The following AGPS variants were observed in gnomAD, a reference collection of about 807,000 sequenced individuals.
AGPS encodes alkylglycerone phosphate synthase, also known as alkyldihydroxyacetonephosphate synthase, peroxisomal.
AGPS carries 26 observed loss-of-function variants against 90.7 expected under a neutral mutation model. The observed-to-expected ratio is 0.29, with a 90% CI of 0.21 to 0.40. The LOEUF (loss-of-function observed/expected upper bound fraction) is 0.40, where lower values mean the gene tolerates loss of function less well. Ranked by LOEUF, AGPS falls within the 10% of genes least tolerant of loss-of-function variation. The probability of loss-of-function intolerance (pLI) is 1.00; values close to 1 mark genes in which losing one functional copy is unlikely to be tolerated. For missense variants in AGPS, 540 were observed against 816.1 expected, an observed-to-expected ratio of 0.66 and a Z score of 4.12; for synonymous variants, 294 against 285.3, an observed-to-expected ratio of 1.03 and a Z score of -0.31.
At chr2:177,413,932 G>A (rs1470351312) in intron 1 of AGPS, among the ~76,000 whole-genome samples, 1 of 152,196 alleles carries the variant, frequency 6.6e-6, no homozygotes, top group Non-Finnish European at 1.5e-5. Flanking sequence ...AGATTATGGT[G>A]TAGTGTGTGA....
intron 17 of AGPS, among the ~76,000 whole-genome samples, chr2:177,516,548 A>C (rs868808805): frequency 6.6e-6 from 1 of 152,146 alleles, no homozygotes; most frequent in African/African-American, 2.4e-5. Context: ...ACCCAAATTA[A>C]GGTATTCCAT....
At chr2:177,458,920 A>G (rs57948641) in intron 8 of AGPS, among the ~76,000 whole-genome samples, 16,997 of 152,258 alleles carry the variant, frequency 0.11, 1,221 homozygotes, top group East Asian at 0.34. Context: ...CCTGACTTCA[A>G]ACTATACTAC....
chr2:177,459,425 G>A (rs186523533), intron 8 of AGPS, among the ~76,000 whole-genome samples: 5 of 152,188 alleles, frequency 3.3e-5, no homozygotes, highest in Non-Finnish European at 5.9e-5. Context: ...CTATCCATCT[G>A]ACAAAGGGCT....
Position 177,434,404 on chromosome 2 carries a change from A to AAACT in AGPS, c.430_433dup (p.Thr145AsnfsTer4). Reference sequence around the variant, plus strand: ...ACCCTTGGAGTAAATGTGGAGCATAAAACTACCTCTAAAGTAAGCAAACAA... The same window carrying AAACT: ...ACCCTTGGAGTAAATGTGGAGCATAAAACTAACTACCTCTAAAGTAAGCAAACAA... On this transcript the variant is annotated frameshift_variant, in exon 3 of 20. Coordinates refer to ENST00000264167, the MANE Select transcript of AGPS (RefSeq NM_003659.4). LOFTEE classifies it high-confidence loss of function. The AAACT allele has an allele frequency of 3.1e-6, 5 of 1,611,674 alleles. No individual in the cohort carries two copies. The highest frequency in any genetic ancestry group is 4.2e-6 in the Non-Finnish European group (5 of 1,178,342).
chr2:177,516,515 A>T (rs1458180873), intron 17 of AGPS, among the ~76,000 whole-genome samples: 1 of 152,050 alleles, frequency 6.6e-6, no homozygotes, highest in Non-Finnish European at 1.5e-5. Context: ...AAGGTGTTAG[A>T]TCTAAGTCAC....
intron 6 of AGPS, chr2:177,441,566 C>G (rs561079256): frequency 6.5e-6 from 1 of 154,184 alleles, no homozygotes; most frequent in South Asian, 2.0e-4. Context: ...TTACTGATCA[C>G]AGGCATCACG....
intron 2 of AGPS, among the ~76,000 whole-genome samples, chr2:177,422,309 A>G (rs994971589): frequency 6.6e-6 from 1 of 152,162 alleles, no homozygotes; most frequent in African/African-American, 2.4e-5. Context: ...CAACTTAGAT[A>G]TTCTTTGGAG....
Position 177,507,975 on chromosome 2 carries a change from G to A in AGPS, c.1551G>A (p.Leu517=). The A allele has an allele frequency of 6.2e-7, 1 of 1,612,130 alleles. No homozygotes were observed. Among genetic ancestry groups the A allele is most frequent in the South Asian group, 1.1e-5 (1 of 91,040 alleles). The change falls in exon 16 of 20, where the codon TTG becomes TTA. Residue 517 remains leucine (L), a synonymous_variant. Coordinates refer to ENST00000264167, the MANE Select transcript of AGPS (RefSeq NM_003659.4). ...TTCTGTTTGTGTCTTAATAGGACTT[G>A]GCTTTGGAATACTATGTATTAGGAG... The part of the protein sequence containing the change: ...LTYVIAYIRD[L]ALEYYVLGES...
intron 2 of AGPS, among the ~76,000 whole-genome samples, chr2:177,428,880 G>A (rs1195767960): frequency 6.6e-6 from 1 of 152,074 alleles, no homozygotes; most frequent in South Asian, 2.1e-4. Flanking sequence ...GGTTGGGGAA[G>A]TTCTCCTGGA....
intron 10 of AGPS, among the ~76,000 whole-genome samples, chr2:177,472,018 AT>A (rs1687637931): frequency 6.6e-6 from 1 of 151,368 alleles, no homozygotes; most frequent in South Asian, 2.1e-4. Flanking sequence ...GTCCTGGGTT[AT>A]TTTGCTTCAG....
At chr2:177,450,074 T>C (rs1172294342) in intron 8 of AGPS, among the ~76,000 whole-genome samples, 2 of 152,144 alleles carry the variant, frequency 1.3e-5, no homozygotes, top group African/African-American at 4.8e-5. Flanking sequence ...CCTGACCTTG[T>C]GATCCATCTA....
rs538388253 is a variant in AGPS at position 177,470,475 on chromosome 2, G to T, written c.1105+1951G>T. On this transcript the variant is annotated intron_variant, in intron 10 of 19. Transcript: ENST00000264167. Reference sequence around the variant, plus strand: ...TCCCAGCACTTTGCAAGGCTGAGGCGGGTGGATCACTTGAGGTCAGGCATT... The same window carrying T: ...TCCCAGCACTTTGCAAGGCTGAGGCTGGTGGATCACTTGAGGTCAGGCATT... 2.2e-3 allele frequency among the ~76,000 whole-genome samples: 336 copies of T among 152,032 alleles called. 1 individual carries two copies. Among genetic ancestry groups the T allele is most frequent in the African/African-American group, 7.7e-3 (321 of 41,474 alleles).
intron 11 of AGPS, among the ~76,000 whole-genome samples, chr2:177,489,442 T>G (rs1448763417): frequency 1.3e-5 from 2 of 151,964 alleles, no homozygotes; most frequent in Non-Finnish European, 2.9e-5. Flanking sequence ...TTTAAGTTAG[T>G]GCAGAGAGTA....
In AGPS at chr2:177,487,830, A is replaced by G. The variant is rs528766912; in HGVS notation, c.1234-5318A>G. On this transcript the variant is annotated intron_variant, in intron 11 of 19. Coordinates refer to ENST00000264167, the MANE Select transcript of AGPS (RefSeq NM_003659.4). ...TGTTCTCTACCAGAAGCCACTCAGA[A>G]CAAGTTATTATACCTTTACTAAACT... Among the ~76,000 whole-genome samples, 6 of 152,274 alleles carry G rather than the reference A, an allele frequency of 3.9e-5. No homozygotes were observed. In the East Asian group the frequency reaches 9.6e-4, roughly 24 times the overall value.
intron 12 of AGPS, among the ~76,000 whole-genome samples, chr2:177,496,018 A>G (rs1056813470): frequency 6.6e-6 from 1 of 152,024 alleles, no homozygotes; most frequent in Non-Finnish European, 1.5e-5. Flanking sequence ...AAAAGATAAT[A>G]TTATCTAGTT....
At chr2:177,436,068 G>T (rs1385952231) in intron 3 of AGPS, among the ~76,000 whole-genome samples, 3 of 150,432 alleles carry the variant, frequency 2.0e-5, no homozygotes, top group African/African-American at 7.3e-5. Flanking sequence ...CTATAAAAAT[G>T]GATTTATTAC....
Position 177,434,427 on chromosome 2 carries a change from C to G in AGPS, c.441+10C>G, listed in dbSNP as rs1262908888. On this transcript the variant is annotated intron_variant, in intron 3 of 19. Transcript: ENST00000264167. ...TAAAACTACCTCTAAAGTAAGCAAA[C>G]AAAAATTATTACTAACTCATTTAAC... 6.3e-7 allele frequency: 1 copy of G among 1,580,644 alleles called. No individual in the cohort carries two copies. Among genetic ancestry groups the G allele is most frequent in the Non-Finnish European group, 8.7e-7 (1 of 1,151,494 alleles).
intron 8 of AGPS, among the ~76,000 whole-genome samples, chr2:177,446,000 G>T (rs1258368652): frequency 2.0e-5 from 3 of 152,124 alleles, no homozygotes; most frequent in Non-Finnish European, 1.5e-5. Context: ...CATAGAACCT[G>T]GCATTTTTTT....
chr2:177,509,590 C>T (rs545578749), intron 16 of AGPS, among the ~76,000 whole-genome samples: 9 of 150,528 alleles, frequency 6.0e-5, no homozygotes, highest in Admixed American at 1.3e-4. Context: ...GGTGTGAACC[C>T]GGGAGGCGGG....
Sources: allele counts gnomAD v4.1 joint callset (sites outside exome capture counted in the v4.1 genomes callset), GRCh38; gene constraint gnomAD v4.1.1; transcripts MANE v1.5; gene names NCBI Gene and HGNC (gene_info 2026-07-23, HGNC 2026-07-21).